Variants in GALNT2 observed in about 807,000 individuals in gnomAD.
GALNT2 encodes the protein polypeptide N-acetylgalactosaminyltransferase 2, also known as UDP-GalNAc:polypeptide N-acetylgalactosaminyltransferase 2.
In GALNT2, 31 loss-of-function variants were observed where a neutral mutation model predicts 81.4. That is an observed-to-expected ratio of 0.38 (90% CI 0.29 to 0.51). The LOEUF (loss-of-function observed/expected upper bound fraction) is 0.51, where lower values mean the gene tolerates loss of function less well. Among genes scored for constraint, GALNT2 ranks in the 20% least tolerant of loss-of-function variants. The pLI is 0.87. For synonymous variants in GALNT2, 303 were observed against 287.4 expected, an observed-to-expected ratio of 1.05 and a Z score of -0.55; for missense variants, 629 against 765.7, an observed-to-expected ratio of 0.82 and a Z score of 2.11.
At chr1:230,090,741 CT>C in intron 1 of GALNT2, among the ~76,000 whole-genome samples, 1 of 152,310 alleles carries the variant, frequency 6.6e-6, no homozygotes, top group East Asian at 1.9e-4. Context: ...TTATTATTTT[CT>C]TCAAAAGATC....
chr1:230,099,783 A>G (rs1013655232), intron 1 of GALNT2, among the ~76,000 whole-genome samples: 2 of 152,176 alleles, frequency 1.3e-5, no homozygotes, highest in African/African-American at 4.8e-5. Context: ...GCTGAACCCA[A>G]AAGGGCTCAG....
At chr1:230,126,163 G>A (rs953086369) in intron 1 of GALNT2, among the ~76,000 whole-genome samples, 4 of 152,188 alleles carry the variant, frequency 2.6e-5, no homozygotes, top group Non-Finnish European at 5.9e-5. Flanking sequence ...GGGGTGTGGG[G>A]GCAACCCCAG....
chr1:230,077,244 G>C (rs76607586), intron 1 of GALNT2, among the ~76,000 whole-genome samples: 3,027 of 152,202 alleles, frequency 0.02, 102 homozygotes, highest in African/African-American at 0.068. Flanking sequence ...CTTTTGCTCT[G>C]TGACCTTCAA....
At chr1:230,084,767 CT>C (rs765551169) in intron 1 of GALNT2, among the ~76,000 whole-genome samples, 23 of 152,192 alleles carry the variant, frequency 1.5e-4, no homozygotes, top group Non-Finnish European at 3.4e-4. Context: ...TTGCCCTTTT[CT>C]GCTGGGATCT....
rs182372013 is a variant in GALNT2, at chr1:230,115,698, C to T, written c.126+48292C>T. ...ATGAAATTTGCCACATTGATGGACT[C>T]TTCCTTTCACAAAAGATTTCTTTGT... is the stretch of plus-strand genomic sequence containing the variant. On this transcript the variant is annotated intron_variant, in intron 1 of 15. Coordinates refer to ENST00000366672, the MANE Select transcript of GALNT2 (RefSeq NM_004481.5). Among the ~76,000 whole-genome samples, 38 of 152,318 alleles carry T rather than the reference C, an allele frequency of 2.5e-4. 2 individuals are homozygous for T. In the East Asian group the frequency reaches 7.1e-3, roughly 29 times the overall value.
intron 1 of GALNT2, among the ~76,000 whole-genome samples, chr1:230,092,536 G>T (rs998155907): frequency 4.6e-5 from 7 of 151,978 alleles, no homozygotes; most frequent in Non-Finnish European, 5.9e-5. Flanking sequence ...TAGAGATGGG[G>T]TTTCACCATG....
intron 1 of GALNT2, among the ~76,000 whole-genome samples, chr1:230,138,255 C>G (rs940101734): frequency 1.3e-5 from 2 of 152,012 alleles, no homozygotes; most frequent in African/African-American, 4.8e-5. Flanking sequence ...GGCATGGTGG[C>G]TCAGAGCGCC....
chr1:230,138,258 A>G (rs1239134569), intron 1 of GALNT2, among the ~76,000 whole-genome samples: 3 of 152,110 alleles, frequency 2.0e-5, no homozygotes, highest in Admixed American at 2.0e-4. Context: ...ATGGTGGCTC[A>G]GAGCGCCTGT....
intron 3 of GALNT2, among the ~76,000 whole-genome samples, chr1:230,218,923 A>G (rs1406045125): frequency 2.6e-5 from 4 of 152,212 alleles, no homozygotes; most frequent in African/African-American, 9.7e-5. Context: ...TCAGATCAGC[A>G]TGGGCATTAG....
intron 1 of GALNT2, among the ~76,000 whole-genome samples, chr1:230,109,075 T>C (rs1660623737): frequency 6.6e-6 from 1 of 152,236 alleles, no homozygotes; most frequent in African/African-American, 2.4e-5. Context: ...TACTCTTCTC[T>C]ATCTCATTAA....
At chr1:230,260,093 TTTCGTCACTATCTCATG>T (rs1171394185) in intron 11 of GALNT2, among the ~76,000 whole-genome samples, 1 of 152,222 alleles carries the variant, frequency 6.6e-6, no homozygotes, top group Non-Finnish European at 1.5e-5. Context: ...GCAAAGGCAG[TTTCGTCACTATCTCATG>T]TTGGTGCTCA....
chr1:230,231,126 C>T (rs1302821165), intron 3 of GALNT2, among the ~76,000 whole-genome samples: 2 of 152,188 alleles, frequency 1.3e-5, no homozygotes, highest in Non-Finnish European at 2.9e-5. Context: ...CCTGTCTCAT[C>T]GGCTGCCTCT....
intron 1 of GALNT2, among the ~76,000 whole-genome samples, chr1:230,059,125 C>G (rs1177649440): frequency 1.3e-5 from 2 of 152,126 alleles, no homozygotes. Context: ...GGAAATTGGA[C>G]AATCAGATTA....
chr1:230,219,458 C>T (rs557356648), intron 3 of GALNT2, among the ~76,000 whole-genome samples: 2 of 151,954 alleles, frequency 1.3e-5, no homozygotes, highest in Non-Finnish European at 2.9e-5. Context: ...CTCAAATTAA[C>T]CCCTTCCTCT....
chr1:230,096,570 A>G (rs79424459), intron 1 of GALNT2, among the ~76,000 whole-genome samples: 3,611 of 152,106 alleles, frequency 0.024, 67 homozygotes, highest in Non-Finnish European at 0.036. Flanking sequence ...TCCTGTTTGA[A>G]AGTTTTTTTT....
chr1:230,162,577 A>G (rs1427284565), intron 1 of GALNT2, among the ~76,000 whole-genome samples: 1 of 152,214 alleles, frequency 6.6e-6, no homozygotes, highest in East Asian at 1.9e-4. Flanking sequence ...TCCCTAAAAC[A>G]GGTCCTAGGA....
intron 15 of GALNT2, among the ~76,000 whole-genome samples, chr1:230,277,593 C>T (rs190795113): frequency 1.7e-4 from 26 of 152,322 alleles, no homozygotes; most frequent in African/African-American, 4.8e-4. Context: ...AAAGCCTCCC[C>T]GGCTCCTCTG....
intron 3 of GALNT2, among the ~76,000 whole-genome samples, chr1:230,221,017 G>T (rs1321301278): frequency 6.6e-6 from 1 of 152,200 alleles, no homozygotes; most frequent in African/African-American, 2.4e-5. Context: ...GTAGATACGT[G>T]TTTGTTGCAC....
At chr1:230,238,774 C>A (rs1186331043) in intron 6 of GALNT2, among the ~76,000 whole-genome samples, 1 of 151,898 alleles carries the variant, frequency 6.6e-6, no homozygotes, top group Non-Finnish European at 1.5e-5. Context: ...GATTTTTATA[C>A]CTGTGTTCAT....
Sources: gnomAD v4.1 joint callset for allele counts (sites outside exome capture counted in the v4.1 genomes callset) on GRCh38, gnomAD v4.1.1 for gene constraint, MANE v1.5 for transcripts, NCBI Gene and HGNC (gene_info 2026-07-23, HGNC 2026-07-21) for gene names.